The following MEGF10 variants were observed in gnomAD, a reference collection of about 807,000 sequenced individuals.
MEGF10 encodes multiple EGF like domains 10, also known as multiple epidermal growth factor-like domains protein 10.
In MEGF10, 86 loss-of-function variants were observed where a neutral mutation model predicts 147.5. That is an observed-to-expected ratio of 0.58 (90% CI 0.49 to 0.70). The LOEUF (loss-of-function observed/expected upper bound fraction) is 0.70. Ranked by LOEUF, MEGF10 falls within the 30% of genes least tolerant of loss-of-function variation. MEGF10 has a pLI of 0.00. For synonymous variants in MEGF10, 478 were observed against 525.5 expected (o/e 0.91, Z 1.24); for missense variants, 1,329 against 1,487.3 (o/e 0.89, Z 1.75).
chr5:127,238,189 G>A, the MEGF10 span, among the ~76,000 whole-genome samples: 1 of 151,742 alleles, frequency 6.6e-6, no homozygotes, highest in African/African-American at 2.4e-5. Flanking sequence ...CCAAGTAGCT[G>A]GGACTACAGA....
intron 4 of MEGF10, among the ~76,000 whole-genome samples, 191 bp downstream of exon 4, chr5:127,340,821 G>A (rs1761651530): frequency 6.6e-6 from 1 of 152,150 alleles, no homozygotes; most frequent in Non-Finnish European, 1.5e-5. Context: ...CTTATCCAAA[G>A]TCTCCAAATG....
chr5:127,230,286 G>A, the MEGF10 span, among the ~76,000 whole-genome samples: 2 of 152,068 alleles, frequency 1.3e-5, no homozygotes, highest in Non-Finnish European at 2.9e-5. Context: ...GAAAGGGGTG[G>A]AGCTGGAAGG....
At chr5:127,278,322 A>G in the MEGF10 span, among the ~76,000 whole-genome samples, 3 of 151,896 alleles carry the variant, frequency 2.0e-5, no homozygotes, top group African/African-American at 7.3e-5. Context: ...TCATTTGATT[A>G]CCTTGAAAAA....
chr5:127,261,099 T>A, the MEGF10 span, among the ~76,000 whole-genome samples: 3 of 152,208 alleles, frequency 2.0e-5, 1 homozygote, highest in Non-Finnish European at 4.4e-5. Flanking sequence ...TGAGATATAG[T>A]TTATATAACA....
chr5:127,357,520 A>G (rs546087850), intron 4 of MEGF10, among the ~76,000 whole-genome samples: 1 of 151,908 alleles, frequency 6.6e-6, no homozygotes, highest in South Asian at 2.1e-4. Context: ...CCTGGGAGGT[A>G]GAGGTTACAG....
At chr5:127,295,812 G>C (rs1759471616) in intron 1 of MEGF10, among the ~76,000 whole-genome samples, 1 of 152,126 alleles carries the variant, frequency 6.6e-6, no homozygotes, top group Non-Finnish European at 1.5e-5. Flanking sequence ...CCCAGTATCT[G>C]GTTTTAATAA....
intron 19 of MEGF10, among the ~76,000 whole-genome samples, chr5:127,444,036 A>T (rs1021570292): frequency 6.6e-6 from 1 of 152,178 alleles, no homozygotes; most frequent in African/African-American, 2.4e-5. Flanking sequence ...ATTGGGGTGT[A>T]TGTCATAACG....
Position 127,447,748 on chromosome 5 carries a change from A to G in MEGF10, c.2856+64A>G, listed in dbSNP as rs528984551. 1.8e-4 allele frequency: 287 copies of G among 1,600,116 alleles called. 1 individual carries two copies. In the African/African-American group the frequency reaches 3.3e-3, roughly 18 times the overall value. ...GGAGAGAGGAAGGGAACCAGCATTT[A>G]TTGAGGGCCGCTGTTCACCAGAGGC... is the stretch of plus-strand genomic sequence containing the variant. On this transcript the variant is annotated intron_variant, in intron 21 of 24. Coordinates refer to ENST00000503335, the MANE Select transcript of MEGF10 (RefSeq NM_001256545.2).
At chr5:127,438,148 G>A (rs183488432) in intron 16 of MEGF10, among the ~76,000 whole-genome samples, 34 of 152,320 alleles carry the variant, frequency 2.2e-4, no homozygotes, top group Admixed American at 1.6e-3. Flanking sequence ...CATAATAGGT[G>A]TTGAATATGT....
At chr5:127,362,421 G>T (rs201957266) in intron 4 of MEGF10, among the ~76,000 whole-genome samples, 3 of 149,764 alleles carry the variant, frequency 2.0e-5, no homozygotes, top group African/African-American at 7.4e-5. Context: ...CCAGACTGGA[G>T]TTCAGTGGCG....
intron 1 of MEGF10, among the ~76,000 whole-genome samples, chr5:127,327,718 T>A (rs1384205253): frequency 6.7e-6 from 1 of 148,912 alleles, no homozygotes; most frequent in East Asian, 1.9e-4. Flanking sequence ...TCTTTTCTTT[T>A]TTTTTTTTTT....
intron 1 of MEGF10, among the ~76,000 whole-genome samples, chr5:127,296,149 A>G (rs2585200): frequency 0.53 from 79,847 of 152,064 alleles, 21,622 homozygotes; most frequent in Middle Eastern, 0.61. Context: ...AGGATTTCTC[A>G]TACTATGAGG....
At chr5:127,294,152 GT>G (rs1759392289) in intron 1 of MEGF10, among the ~76,000 whole-genome samples, 1 of 152,112 alleles carries the variant, frequency 6.6e-6, no homozygotes, top group Non-Finnish European at 1.5e-5. Flanking sequence ...TCCCTCTGAA[GT>G]TTTTCCCAAT....
chr5:127,346,079 G>A (rs1236942562), intron 4 of MEGF10, among the ~76,000 whole-genome samples: 3 of 152,062 alleles, frequency 2.0e-5, no homozygotes, highest in African/African-American at 4.8e-5. Context: ...ATGTATGTAT[G>A]TATTTGTCAC....
intron 1 of MEGF10, among the ~76,000 whole-genome samples, chr5:127,307,343 G>A (rs1317318856): frequency 6.6e-6 from 1 of 152,150 alleles, no homozygotes; most frequent in Non-Finnish European, 1.5e-5. Context: ...GGCTGTTGGG[G>A]TGCAGCTGAG....
At chr5:127,243,373 G>A in the MEGF10 span, among the ~76,000 whole-genome samples, 1 of 152,136 alleles carries the variant, frequency 6.6e-6, no homozygotes, top group East Asian at 1.9e-4. Context: ...TTTTTAGTAG[G>A]GGAAAGTAAG....
In MEGF10 at chr5:127,318,793, GCAAACAAA is replaced by G. The variant is rs548191034; in HGVS notation, c.-18-12488_-18-12481del. The stretch of plus-strand genomic sequence containing the variant: ...GTTGTAAAACTATGTATGCCCAATT[GCAAACAAA>G]CAAACAAACTCAAACTCCTTTCCCA... On this transcript the variant is annotated intron_variant, in intron 1 of 24. Coordinates refer to ENST00000503335, the MANE Select transcript of MEGF10 (RefSeq NM_001256545.2). Among the ~76,000 whole-genome samples, 38 of 152,156 alleles carry G rather than the reference GCAAACAAA, an allele frequency of 2.5e-4. No homozygotes were observed. The East Asian group carries it at 4.8e-3, about 19-fold the overall frequency.
intron 7 of MEGF10, among the ~76,000 whole-genome samples, chr5:127,402,215 G>C (rs530656561): frequency 6.6e-6 from 1 of 152,304 alleles, no homozygotes; most frequent in Non-Finnish European, 1.5e-5. Flanking sequence ...GAACACTTAT[G>C]AGGATTTATA....
chr5:127,390,462 G>A (rs1009193775), intron 5 of MEGF10, among the ~76,000 whole-genome samples: 4 of 151,956 alleles, frequency 2.6e-5, no homozygotes, highest in African/African-American at 9.7e-5. Context: ...GCTAATTTTT[G>A]TATATTTTTG....
Sources: allele counts gnomAD v4.1 joint callset (sites outside exome capture counted in the v4.1 genomes callset), GRCh38; gene constraint gnomAD v4.1.1; transcripts MANE v1.5; gene names NCBI Gene and HGNC (gene_info 2026-07-23, HGNC 2026-07-21).